Variants in COL19A1 observed in about 807,000 individuals in gnomAD.
The protein encoded by COL19A1 is collagen alpha-1(XIX) chain.
In COL19A1, 159 loss-of-function variants were observed where a neutral mutation model predicts 190.2. The observed-to-expected ratio is 0.84, with a 90% CI of 0.73 to 0.95. COL19A1 has a LOEUF of 0.95. Ranked by LOEUF, COL19A1 falls within the 40% of genes least tolerant of loss-of-function variation. The pLI is 0.00. For missense variants in COL19A1, 1,418 were observed against 1,431.9 expected (o/e 0.99, Z 0.16); for synonymous variants, 509 against 458.9 (o/e 1.11, Z -1.39).
intron 9 of COL19A1, among the ~76,000 whole-genome samples, chr6:69,939,504 A>G (rs1047666223): frequency 6.6e-6 from 1 of 152,094 alleles, no homozygotes; most frequent in African/African-American, 2.4e-5. Flanking sequence ...GGGATCTGAA[A>G]CCAGTAGGTC....
At chr6:69,959,699 C>A (rs925289610) in intron 9 of COL19A1, among the ~76,000 whole-genome samples, 2 of 152,142 alleles carry the variant, frequency 1.3e-5, no homozygotes, top group African/African-American at 4.8e-5. Context: ...TACTAAATAA[C>A]ATGTGGAAAA....
intron 15 of COL19A1, among the ~76,000 whole-genome samples, chr6:70,091,988 A>G (rs1782958306): frequency 1.3e-5 from 2 of 152,162 alleles, no homozygotes; most frequent in African/African-American, 4.8e-5. Flanking sequence ...GTTTTGTACA[A>G]TAGTATGTCC....
intron 14 of COL19A1, 35 bp downstream of exon 14, chr6:70,035,974 A>G (rs756372509): frequency 1.3e-6 from 2 of 1,598,116 alleles, no homozygotes; most frequent in Admixed American, 3.3e-5. Context: ...CAAAATTGAA[A>G]TCCATTATTC....
intron 1 of COL19A1, among the ~76,000 whole-genome samples, chr6:69,874,017 A>G (rs182714702): frequency 6.6e-6 from 1 of 152,340 alleles, no homozygotes; most frequent in African/African-American, 2.4e-5. Context: ...GGCTTGGTTC[A>G]TTTGTAAATC....
Position 70,068,483 on chromosome 6 carries a change from A to G in COL19A1, c.1224+7A>G. 6.4e-7 allele frequency: 1 copy of G among 1,568,420 alleles called. No homozygotes were observed. The highest frequency in any genetic ancestry group is 8.8e-7 in the Non-Finnish European group (1 of 1,142,596). On this transcript the variant is annotated splice_region_variant and intron_variant, in intron 15 of 50. Transcript: ENST00000620364. The stretch of plus-strand genomic sequence containing the variant: ...TGGAAAAGAGGGTCAGAGGGTAAGT[A>G]AAGCTGGAACAACTGGTGGGCATTA...
At chr6:69,960,615 T>A (rs1774722728) in intron 10 of COL19A1, among the ~76,000 whole-genome samples, 2 of 149,320 alleles carry the variant, frequency 1.3e-5, no homozygotes, top group Admixed American at 1.3e-4. Context: ...ACTTCCTTTG[T>A]GCCCCCACTT....
At chr6:69,962,428 C>T (rs1210656302) in intron 10 of COL19A1, among the ~76,000 whole-genome samples, 1 of 152,170 alleles carries the variant, frequency 6.6e-6, no homozygotes, top group Non-Finnish European at 1.5e-5. Context: ...TCTAAGAAGG[C>T]TGTTTCCACT....
chr6:70,207,012 G>A (rs1398121771), intron 50 of COL19A1, 34 bp downstream of exon 50: 10 of 1,609,628 alleles, frequency 6.2e-6, no homozygotes, highest in Non-Finnish European at 7.6e-6. Flanking sequence ...ACACAAGCAA[G>A]CCTTTACAAA....
intron 15 of COL19A1, among the ~76,000 whole-genome samples, chr6:70,101,512 T>A (rs1449793346): frequency 6.6e-6 from 1 of 152,172 alleles, no homozygotes. Context: ...GCAAGAATTA[T>A]ACATTTTACT....
chr6:69,968,168 GT>G (rs1775230062), intron 11 of COL19A1, among the ~76,000 whole-genome samples: 1 of 152,032 alleles, frequency 6.6e-6, no homozygotes, highest in Non-Finnish European at 1.5e-5. Context: ...GCCTTCAGTG[GT>G]TACTTTTGAA....
rs1174629353 is a variant in COL19A1 at position 70,211,557 on chromosome 6, A to G, written c.*4283A>G. ...AGATGCAGAAGATAATTGAATTTGT[A>G]TCTTGTATGCCTATGTAATTCAAAG... is the stretch of plus-strand genomic sequence containing the variant. On this transcript the variant is annotated 3_prime_UTR_variant, in exon 51 of 51. Coordinates refer to ENST00000620364, the MANE Select transcript of COL19A1 (RefSeq NM_001858.6). Among the ~76,000 whole-genome samples, 1 of 149,342 alleles carries G rather than the reference A, an allele frequency of 6.7e-6. No homozygotes were observed. Among genetic ancestry groups the G allele is most frequent in the African/African-American group, 2.5e-5 (1 of 40,390 alleles).
At chr6:70,109,321 T>C (rs969017366) in intron 16 of COL19A1, among the ~76,000 whole-genome samples, 12 of 152,104 alleles carry the variant, frequency 7.9e-5, no homozygotes, top group African/African-American at 2.9e-4. Context: ...GCAAGAACTT[T>C]CCAAACAGAA....
intron 15 of COL19A1, among the ~76,000 whole-genome samples, chr6:70,086,450 C>T (rs551421609): frequency 6.6e-5 from 10 of 152,104 alleles, no homozygotes; most frequent in African/African-American, 2.4e-4. Flanking sequence ...TACAGATGGT[C>T]AAAAAGTATT....
At chr6:70,065,759 C>T (rs1443171658) in intron 14 of COL19A1, among the ~76,000 whole-genome samples, 3 of 151,964 alleles carry the variant, frequency 2.0e-5, no homozygotes, top group Non-Finnish European at 4.4e-5. Context: ...AACAAATTTA[C>T]AAGAAAAAAA....
intron 49 of COL19A1, among the ~76,000 whole-genome samples, chr6:70,202,225 C>G (rs892069350): frequency 2.0e-5 from 3 of 151,296 alleles, no homozygotes; most frequent in African/African-American, 7.3e-5. Context: ...GGTGGCTCCT[C>G]TGAAATTTCT....
intron 44 of COL19A1, among the ~76,000 whole-genome samples, chr6:70,184,006 G>A (rs1162008510): frequency 1.3e-5 from 2 of 152,116 alleles, no homozygotes; most frequent in African/African-American, 4.8e-5. Flanking sequence ...CTTTAAGCAG[G>A]ACTAGGCTTC....
intron 15 of COL19A1, among the ~76,000 whole-genome samples, chr6:70,100,725 G>A (rs1783579119): frequency 6.6e-6 from 1 of 151,726 alleles, no homozygotes; most frequent in South Asian, 2.1e-4. Context: ...TGATCCGCCT[G>A]CCTCGGCCTC....
At chr6:70,120,531 A>G (rs1784828700) in intron 16 of COL19A1, among the ~76,000 whole-genome samples, 1 of 152,110 alleles carries the variant, frequency 6.6e-6, no homozygotes, top group South Asian at 2.1e-4. Flanking sequence ...CCTCTAACTG[A>G]CCTAGAATTC....
In COL19A1 at chr6:69,929,472, T is replaced by C. The variant is rs768914724; in HGVS notation, c.438T>C (p.Phe146=). ...GAAAGAAGGTGGTGGAATTTATGTT[T>C]CAAGCCACAGAGGGAGATGTGTTGA... ...DGGKKVVEFM[F]QATEGDVLNY... Residue 146 remains phenylalanine (F), a synonymous_variant, in exon 6 of 51, where the codon TTT becomes TTC. Coordinates refer to ENST00000620364, the MANE Select transcript of COL19A1 (RefSeq NM_001858.6). 1 of 1,614,018 alleles carries C rather than the reference T, an allele frequency of 6.2e-7. No homozygotes were observed. The highest frequency in any genetic ancestry group is 8.5e-7 in the Non-Finnish European group (1 of 1,179,940).
Sources: allele counts gnomAD v4.1 joint callset (sites outside exome capture counted in the v4.1 genomes callset), GRCh38; gene constraint gnomAD v4.1.1; transcripts MANE v1.5; gene names NCBI Gene and HGNC (gene_info 2026-07-23, HGNC 2026-07-21).